Variants in RGS7 observed in about 807,000 individuals in gnomAD.
RGS7 encodes the protein regulator of G-protein signaling 7.
RGS7 carries 27 observed loss-of-function variants against 81.1 expected under a neutral mutation model. That is an observed-to-expected ratio of 0.33 (90% CI 0.25 to 0.46). The LOEUF is 0.46. RGS7 is among the 20% of genes least tolerant of loss of function. RGS7 has a pLI of 1.00. For missense variants in RGS7, 396 were observed against 607.4 expected (o/e 0.65, Z 3.66); for synonymous variants, 208 against 207.7 (o/e 1.00, Z -0.01).
At chr1:240,816,470 G>A (rs1242080769) in intron 10 of RGS7, 55 bp from the exon 11 acceptor site, 4 of 1,168,586 alleles carry the variant, frequency 3.4e-6, no homozygotes, top group Non-Finnish European at 5.1e-6. Context: ...TACAGTCACA[G>A]ACTTTCTAAA....
intron 6 of RGS7, among the ~76,000 whole-genome samples, chr1:240,895,280 CTTTCT>C: frequency 6.6e-6 from 1 of 151,936 alleles, no homozygotes; most frequent in Admixed American, 6.6e-5. Context: ...TTCTTTCTTT[CTTTCT>C]TTTTTCTTTC....
rs1325100242 is a variant in RGS7 at position 240,920,328 on chromosome 1, G to A, written c.385+10389C>T. Reference sequence around the variant, plus strand: ...TGGAGGAAACTTCAGTGGTCATGGTGGCTTTGGTGGCAGCTGTTGTGGTGG... The same window carrying A: ...TGGAGGAAACTTCAGTGGTCATGGTAGCTTTGGTGGCAGCTGTTGTGGTGG... On this transcript the variant is annotated intron_variant, in intron 6 of 18. Transcript: ENST00000440928. 8 of 1,506,652 alleles carry A rather than the reference G, an allele frequency of 5.3e-6. No individual in the cohort carries two copies. The Admixed American group carries it at 6.7e-5, about 13-fold the overall frequency. The allele number at this position is 1,506,652 out of a possible 1,614,324, so 93.3% of individuals were successfully genotyped here. A position where few individuals can be genotyped will look rare whatever the true frequency, so the allele number is the denominator to read the frequency against.
intron 15 of RGS7, among the ~76,000 whole-genome samples, chr1:240,805,490 G>A (rs1489069813): frequency 6.6e-6 from 1 of 152,182 alleles, no homozygotes; most frequent in Admixed American, 6.5e-5. Context: ...AGAAATTCAA[G>A]TTGTTTCTAC....
At chr1:241,198,388 ATAAC>A (rs2073241756) in intron 2 of RGS7, among the ~76,000 whole-genome samples, 1 of 152,076 alleles carries the variant, frequency 6.6e-6, no homozygotes, top group Non-Finnish European at 1.5e-5. Flanking sequence ...TAATAGAAGA[ATAAC>A]TAAGAAAAAA....
chr1:241,266,086 G>A (rs562778967), intron 2 of RGS7, among the ~76,000 whole-genome samples: 2 of 152,156 alleles, frequency 1.3e-5, no homozygotes, highest in African/African-American at 4.8e-5. Context: ...AAGCCACCGC[G>A]CCTGGCCTCC....
intron 3 of RGS7, among the ~76,000 whole-genome samples, chr1:241,033,878 G>A (rs1485173235): frequency 1.3e-5 from 2 of 151,954 alleles, no homozygotes; most frequent in Non-Finnish European, 2.9e-5. Context: ...TCAGGATGCT[G>A]AGATAAGAAA....
At chr1:241,282,105 A>C (rs1395300250) in intron 2 of RGS7, among the ~76,000 whole-genome samples, 1 of 152,218 alleles carries the variant, frequency 6.6e-6, no homozygotes, top group Non-Finnish European at 1.5e-5. Flanking sequence ...TAGTGAGCAC[A>C]GTACCCTGTA....
chr1:241,147,780 T>TTATATATATA (rs200770896), intron 2 of RGS7, among the ~76,000 whole-genome samples: 3,306 of 44,144 alleles, frequency 0.075, 451 homozygotes, highest in Non-Finnish European at 0.093. Context: ...AGATTAAGTT[T>TTATATATATA]TATATATATA....
At chr1:241,270,916 G>C (rs1558258564) in intron 2 of RGS7, among the ~76,000 whole-genome samples, 2 of 152,074 alleles carry the variant, frequency 1.3e-5, no homozygotes, top group Middle Eastern at 3.4e-3. Flanking sequence ...CCACCACCAC[G>C]CCCGCTAATT....
chr1:240,839,275 T>C (rs924325631), intron 9 of RGS7, among the ~76,000 whole-genome samples: 4 of 152,192 alleles, frequency 2.6e-5, no homozygotes, highest in African/African-American at 9.7e-5. Context: ...ATCAGAAAAC[T>C]ATACAAATGC....
chr1:241,245,961 A>G (rs6661917), intron 2 of RGS7, among the ~76,000 whole-genome samples: 102,682 of 151,462 alleles, frequency 0.68, 34,899 homozygotes, highest in African/African-American at 0.72. Flanking sequence ...AAAATTAGCC[A>G]GGCGTGGTGG....
At chr1:241,009,947 C>T (rs1252836650) in intron 3 of RGS7, among the ~76,000 whole-genome samples, 1 of 152,132 alleles carries the variant, frequency 6.6e-6, no homozygotes, top group African/African-American at 2.4e-5. Flanking sequence ...GAAAACCAAA[C>T]ACCGCATGTT....
rs1002909868 is a variant in RGS7, at chr1:241,257,190, G to A, written c.78+98509C>T. Reference sequence around the variant, plus strand: ...CATAGTCCTGGATGGTGGGAAGTCCGAGATCAAGGTGCCAGCAGATTCAGT... The same window carrying A: ...CATAGTCCTGGATGGTGGGAAGTCCAAGATCAAGGTGCCAGCAGATTCAGT... On this transcript the variant is annotated intron_variant, in intron 2 of 18. Coordinates refer to ENST00000440928, the MANE Select transcript of RGS7 (RefSeq NM_001364886.1). Among the ~76,000 whole-genome samples, 4 of 152,196 alleles carry A rather than the reference G, an allele frequency of 2.6e-5. No individual in the cohort carries two copies. In the East Asian group the frequency reaches 5.8e-4, roughly 22 times the overall value.
intron 4 of RGS7, among the ~76,000 whole-genome samples, chr1:240,945,083 C>A (rs1246178391): frequency 6.6e-6 from 1 of 152,216 alleles, no homozygotes; most frequent in Non-Finnish European, 1.5e-5. Flanking sequence ...GTTCTGAGTC[C>A]ATGACAAGAT....
chr1:241,128,590 A>G (rs1314596257), intron 2 of RGS7, among the ~76,000 whole-genome samples: 1 of 152,158 alleles, frequency 6.6e-6, no homozygotes, highest in Non-Finnish European at 1.5e-5. Flanking sequence ...GTCTCAAAAT[A>G]AATAAATAAA....
At chr1:241,264,428 C>T (rs547254389) in intron 2 of RGS7, among the ~76,000 whole-genome samples, 110 of 151,970 alleles carry the variant, frequency 7.2e-4, no homozygotes, top group Non-Finnish European at 1.2e-3. Flanking sequence ...ACCTGGGAGG[C>T]GGAGGTTGCA....
At chr1:241,309,069 G>A (rs1267982891) in intron 2 of RGS7, among the ~76,000 whole-genome samples, 1 of 152,040 alleles carries the variant, frequency 6.6e-6, no homozygotes, top group African/African-American at 2.4e-5. Context: ...TAATTTTCAA[G>A]GAATGCAAGT....
intron 3 of RGS7, among the ~76,000 whole-genome samples, chr1:241,066,892 G>A (rs930249840): frequency 6.6e-6 from 1 of 152,166 alleles, no homozygotes. Flanking sequence ...AAGCCTCTGG[G>A]ACCAGTGAAA....
chr1:241,196,400 T>A (rs566770616), intron 2 of RGS7, among the ~76,000 whole-genome samples: 27 of 151,922 alleles, frequency 1.8e-4, no homozygotes, highest in Non-Finnish European at 3.1e-4. Context: ...AAAAACCCCA[T>A]CTGTTTGAAG....
Sources: allele counts gnomAD v4.1 joint callset (sites outside exome capture counted in the v4.1 genomes callset), GRCh38; gene constraint gnomAD v4.1.1; transcripts MANE v1.5; gene names NCBI Gene and HGNC (gene_info 2026-07-23, HGNC 2026-07-21).